Variants in SLC9C1 observed in about 807,000 individuals in gnomAD.
The protein encoded by SLC9C1 is solute carrier family 9 member C1.
SLC9C1 carries 97 observed loss-of-function variants against 140.9 expected under a neutral mutation model. That is an observed-to-expected ratio of 0.69 (90% CI 0.58 to 0.82). The LOEUF (loss-of-function observed/expected upper bound fraction) is 0.82, where lower values mean the gene tolerates loss of function less well. Among genes scored for constraint, SLC9C1 ranks in the 40% least tolerant of loss-of-function variants. SLC9C1 has a pLI of 0.00. For missense variants in SLC9C1, 1,340 were observed against 1,389.3 expected (o/e 0.96, Z 0.56); for synonymous variants, 440 against 442.6 (o/e 0.99, Z 0.07).
intron 23 of SLC9C1, among the ~76,000 whole-genome samples, chr3:112,176,602 TC>T (rs1257060717): frequency 1.3e-5 from 2 of 152,216 alleles, no homozygotes; most frequent in Non-Finnish European, 2.9e-5. Flanking sequence ...GTTTTGTAAT[TC>T]ATGGTTGCTC....
intron 12 of SLC9C1, among the ~76,000 whole-genome samples, chr3:112,234,432 G>A (rs1237463334): frequency 6.6e-6 from 1 of 152,094 alleles, no homozygotes; most frequent in Non-Finnish European, 1.5e-5. Context: ...TAGGCTGCCT[G>A]TTCACTCTGA....
At chr3:112,154,965 T>G in intron 27 of SLC9C1, 32 bp downstream of exon 27, 1 of 1,594,028 alleles carries the variant, frequency 6.3e-7, no homozygotes, top group Non-Finnish European at 8.6e-7. Context: ...TTACCCAAAA[T>G]ACAACTTTTA....
intron 7 of SLC9C1, among the ~76,000 whole-genome samples, chr3:112,266,880 T>C (rs756771543): frequency 6.6e-5 from 10 of 152,236 alleles, no homozygotes; most frequent in Non-Finnish European, 8.8e-5. Context: ...TTAATTACTG[T>C]AGACCTATTA....
At chr3:112,292,690 C>G (rs1216732678) in intron 1 of SLC9C1, among the ~76,000 whole-genome samples, 1 of 151,888 alleles carries the variant, frequency 6.6e-6, no homozygotes, top group African/African-American at 2.4e-5. Context: ...ACTACAGGCG[C>G]CAGCCACCAC....
intron 28 of SLC9C1, among the ~76,000 whole-genome samples, chr3:112,144,234 A>G (rs1298235448): frequency 2.2e-5 from 3 of 138,954 alleles, no homozygotes; most frequent in Non-Finnish European, 4.5e-5. Context: ...CTGGAGTGCA[A>G]TGGTGTGATC....
intron 6 of SLC9C1, among the ~76,000 whole-genome samples, chr3:112,271,405 A>ATATATATATATATATATATG (rs2080072256): frequency 6.7e-6 from 1 of 149,282 alleles, no homozygotes; most frequent in South Asian, 2.1e-4. Context: ...ATATATATAT[A>ATATATATATATATATATATG]TATATCAAAG....
intron 26 of SLC9C1, among the ~76,000 whole-genome samples, 192 bp from the exon 27 acceptor site, chr3:112,155,241 A>G (rs2075096808): frequency 6.6e-6 from 1 of 152,154 alleles, no homozygotes; most frequent in South Asian, 2.1e-4. Flanking sequence ...TATTATGGAG[A>G]TGATATAATA....
chr3:112,220,463 T>A (rs1273788832), intron 14 of SLC9C1, among the ~76,000 whole-genome samples: 1 of 152,168 alleles, frequency 6.6e-6, no homozygotes, highest in Admixed American at 6.5e-5. Flanking sequence ...GAAATAAGCT[T>A]AGGACAATTT....
chr3:112,142,642 A>G (rs2074665446), intron 28 of SLC9C1, among the ~76,000 whole-genome samples: 1 of 152,194 alleles, frequency 6.6e-6, no homozygotes, highest in South Asian at 2.1e-4. Context: ...TACCTAAATC[A>G]TTCTGACTTA....
intron 2 of SLC9C1, among the ~76,000 whole-genome samples, chr3:112,282,053 A>T (rs13087086): frequency 0.58 from 88,282 of 152,034 alleles, 26,260 homozygotes; most frequent in East Asian, 0.79. Flanking sequence ...CCAACACCAT[A>T]GACACACCTT....
chr3:112,169,666 A>G (rs1003396708), intron 23 of SLC9C1, among the ~76,000 whole-genome samples: 3 of 152,148 alleles, frequency 2.0e-5, no homozygotes, highest in African/African-American at 7.2e-5. Flanking sequence ...AGGTGATGTG[A>G]TTCCCCCAGC....
At chr3:112,204,047 T>C (rs1422255707) in intron 17 of SLC9C1, among the ~76,000 whole-genome samples, 171 bp downstream of exon 17, 4 of 151,980 alleles carry the variant, frequency 2.6e-5, no homozygotes, top group Non-Finnish European at 4.4e-5. Context: ...ATTGGGATGT[T>C]TGTAATATGA....
chr3:112,166,199 C>T (rs2077131108), intron 26 of SLC9C1, among the ~76,000 whole-genome samples: 1 of 152,206 alleles, frequency 6.6e-6, no homozygotes, highest in Non-Finnish European at 1.5e-5. Context: ...TAGGGAATTC[C>T]CTAACCCCTT....
Position 112,290,195 on chromosome 3 carries a change from G to A in SLC9C1, c.-87-3317C>T, listed in dbSNP as rs78182720. 6.2e-4 allele frequency among the ~76,000 whole-genome samples: 94 copies of A among 152,220 alleles called. 1 individual carries two copies. In the East Asian group the frequency reaches 0.012, roughly 20 times the overall value. Reference sequence around the variant, plus strand: ...GCATCCTCGAGTATACAGGCTAGACGAAATAAGGAAAATTATTTTCTGTAC... The same window carrying A: ...GCATCCTCGAGTATACAGGCTAGACAAAATAAGGAAAATTATTTTCTGTAC... On this transcript the variant is annotated intron_variant, in intron 1 of 28. Transcript: ENST00000305815.
Position 112,249,914 on chromosome 3 carries a change from GT to G in SLC9C1, c.1198-5839del, listed in dbSNP as rs551849051. Among the ~76,000 whole-genome samples the G allele has an allele frequency of 7.9e-5, 12 of 151,152 alleles. No individual in the cohort carries two copies. In the East Asian group the frequency reaches 1.2e-3, roughly 15 times the overall value. ...TTCTGGTTTCATCGATGTTTTCTAT[GT>G]TTTTTTTTAAATTATACTTTAAGTT... On this transcript the variant is annotated intron_variant, in intron 10 of 28. Coordinates refer to ENST00000305815, the MANE Select transcript of SLC9C1 (RefSeq NM_183061.3).
intron 1 of SLC9C1, among the ~76,000 whole-genome samples, chr3:112,292,668 C>T (rs535068115): frequency 5.3e-5 from 8 of 152,080 alleles, no homozygotes; most frequent in South Asian, 2.1e-4. Context: ...CTCAGCCTCC[C>T]GAGTAGCTGG....
intron 26 of SLC9C1, among the ~76,000 whole-genome samples, chr3:112,158,892 A>C (rs781067291): frequency 6.6e-6 from 1 of 151,324 alleles, no homozygotes; most frequent in African/African-American, 2.4e-5. Flanking sequence ...GGTTTTATTG[A>C]TCTGGGGTTT....
chr3:112,154,819 A>G (rs1485459817), intron 27 of SLC9C1, among the ~76,000 whole-genome samples, 178 bp downstream of exon 27: 2 of 152,116 alleles, frequency 1.3e-5, no homozygotes, highest in African/African-American at 4.8e-5. Context: ...ATATTTCCCT[A>G]AAAATAAGTA....
chr3:112,286,198 T>C (rs1172358364), intron 2 of SLC9C1, among the ~76,000 whole-genome samples: 1 of 152,258 alleles, frequency 6.6e-6, no homozygotes, highest in African/African-American at 2.4e-5. Flanking sequence ...TTGTGTATTA[T>C]TGTTTTAAAA....
Sources: gnomAD v4.1 joint callset for allele counts (sites outside exome capture counted in the v4.1 genomes callset) on GRCh38, gnomAD v4.1.1 for gene constraint, MANE v1.5 for transcripts, NCBI Gene and HGNC (gene_info 2026-07-23, HGNC 2026-07-21) for gene names.